Variants in ARHGEF17 observed in about 807,000 individuals in gnomAD.
ARHGEF17 encodes 164 kDa Rho-specific guanine-nucleotide exchange factor.
A neutral mutation model predicts 174.0 loss-of-function variants in ARHGEF17; 80 were observed. The observed-to-expected ratio is 0.46, with a 90% CI of 0.38 to 0.55. The LOEUF is 0.55. Among genes scored for constraint, ARHGEF17 ranks in the 20% least tolerant of loss-of-function variants. The pLI is 0.00. For missense variants in ARHGEF17, 2,886 were observed against 2,839.7 expected (o/e 1.02, Z -0.37); for synonymous variants, 1,311 against 1,189.1 (o/e 1.10, Z -2.11).
chr11:73,354,621 G>A (rs1028696196), intron 3 of ARHGEF17, among the ~76,000 whole-genome samples: 2 of 152,088 alleles, frequency 1.3e-5, no homozygotes, highest in Non-Finnish European at 2.9e-5. Context: ...GGCTGAGGCG[G>A]GAGAATCGCC....
rs566317083 is a variant in ARHGEF17, at chr11:73,349,297, A to C, written c.3270+2337A>C. On this transcript the variant is annotated intron_variant, in intron 2 of 20. Transcript: ENST00000263674. ...TCAAGTTTGCCTGCAAAATGTAGCTAATCTACCTATCTCCCATCAAGAAGA... is the reference window on the plus strand; with the variant it reads ...TCAAGTTTGCCTGCAAAATGTAGCTCATCTACCTATCTCCCATCAAGAAGA... Among the ~76,000 whole-genome samples the C allele has an allele frequency of 2.0e-5, 3 of 152,304 alleles. No homozygotes were observed. The South Asian group carries it at 6.2e-4, about 32-fold the overall frequency.
intron 12 of ARHGEF17, among the ~76,000 whole-genome samples, chr11:73,361,759 T>G (rs1865741436): frequency 6.7e-6 from 1 of 149,038 alleles, no homozygotes; most frequent in South Asian, 2.1e-4. Flanking sequence ...GAGGCTGAGG[T>G]GGGAGGATTG....
rs779759652 is a variant in ARHGEF17, at chr11:73,309,982, T to G, written c.1344T>G (p.Asp448Glu). The G allele has an allele frequency of 3.8e-5, 62 of 1,613,960 alleles. No homozygotes were observed. Among genetic ancestry groups the G allele is most frequent in the Non-Finnish European group, 5.3e-5 (62 of 1,179,978 alleles). Reference protein sequence around the residue: ...GPGGTSRALRDGGFEPEKSRQ... With the variant: ...GPGGTSRALREGGFEPEKSRQ... ...GAGGCACCTCTAGGGCATTGAGGGA[T>G]GGAGGATTTGAGCCTGAAAAGAGTC... Residue 448 changes from aspartate (D) to glutamate (E), a missense_variant, in exon 1 of 21, where the codon GAT (aspartate) becomes GAG (glutamate). Asp to Glu is a conservative substitution (Grantham distance 45). This residue lies in a region of ARHGEF17 where 1,728 missense variants were observed against 1,461.2 expected (regional missense o/e 1.18). Transcript: ENST00000263674.
chr11:73,317,262 G>A (rs924478536), intron 1 of ARHGEF17, among the ~76,000 whole-genome samples: 7 of 152,146 alleles, frequency 4.6e-5, no homozygotes, highest in South Asian at 2.1e-4. Flanking sequence ...TAGCTCCAGC[G>A]TGCATGTCTC....
At chr11:73,341,783 A>G (rs938706322) in intron 1 of ARHGEF17, among the ~76,000 whole-genome samples, 15 of 152,172 alleles carry the variant, frequency 9.9e-5, no homozygotes, top group African/African-American at 3.4e-4. Flanking sequence ...GGCTTGAGCT[A>G]TGGGGTCAGG....
chr11:73,325,927 ACTGT>A (rs1253962175), intron 1 of ARHGEF17, among the ~76,000 whole-genome samples: 1 of 152,234 alleles, frequency 6.6e-6, no homozygotes, highest in Non-Finnish European at 1.5e-5. Context: ...CGGGGTGTTC[ACTGT>A]CATTGGTGGA....
chr11:73,341,367 C>T (rs1307906396), intron 1 of ARHGEF17, among the ~76,000 whole-genome samples: 5 of 152,142 alleles, frequency 3.3e-5, no homozygotes, highest in East Asian at 1.9e-4. Context: ...CTCAGCTCAC[C>T]GCAACCTCAG....
intron 2 of ARHGEF17, 53 bp downstream of exon 2, chr11:73,347,013 T>C: frequency 6.5e-7 from 1 of 1,531,686 alleles, no homozygotes; most frequent in Non-Finnish European, 8.9e-7. Flanking sequence ...CCTAGGAGGC[T>C]GTCAGATGGG....
At chr11:73,314,768 A>G (rs1864901884) in intron 1 of ARHGEF17, among the ~76,000 whole-genome samples, 1 of 151,622 alleles carries the variant, frequency 6.6e-6, no homozygotes, top group South Asian at 2.1e-4. Context: ...TGTTACCTCC[A>G]CTGAGGCCCA....
At chr11:73,328,215 C>G (rs1399789475) in intron 1 of ARHGEF17, among the ~76,000 whole-genome samples, 1 of 152,144 alleles carries the variant, frequency 6.6e-6, no homozygotes, top group East Asian at 1.9e-4. Flanking sequence ...ATGAGCTGAG[C>G]TCCCTGAGGG....
chr11:73,313,952 C>G (rs1864886352), intron 1 of ARHGEF17, among the ~76,000 whole-genome samples: 2 of 152,202 alleles, frequency 1.3e-5, no homozygotes, highest in South Asian at 4.1e-4. Flanking sequence ...TCTCAGCCAC[C>G]AGGCTTGGCT....
intron 1 of ARHGEF17, among the ~76,000 whole-genome samples, chr11:73,334,932 C>T (rs1035576040): frequency 3.9e-5 from 6 of 152,162 alleles, no homozygotes; most frequent in Non-Finnish European, 5.9e-5. Context: ...AGAGGCTGAA[C>T]GGTGGTGGTC....
At chr11:73,343,019 G>A (rs1467147683) in intron 1 of ARHGEF17, 4 of 256,258 alleles carry the variant, frequency 1.6e-5, no homozygotes, top group Middle Eastern at 1.2e-3. Flanking sequence ...CACTGCGGCT[G>A]CCGCCGCGGC....
Position 73,308,609 on chromosome 11 carries a change from GC to G in ARHGEF17, c.-28del. 3 of 1,420,474 alleles carry G rather than the reference GC, an allele frequency of 2.1e-6. No individual in the cohort carries two copies. Among genetic ancestry groups the G allele is most frequent in the Non-Finnish European group, 2.7e-6 (3 of 1,092,126 alleles). The allele number at this position is 1,420,474 out of a possible 1,614,324, so 88.0% of individuals were successfully genotyped here. ...GGGGGGTTGGCCGCGGCTGCCCGAG[GC>G]CAGCCCCCCCGGAGTGAGTTACGCC... On this transcript the variant is annotated 5_prime_UTR_variant, in exon 1 of 21. Transcript: ENST00000263674.
In ARHGEF17 at chr11:73,356,281, G is replaced by A. The variant is rs1370209214; in HGVS notation, c.3770G>A (p.Ser1257Asn). 3.1e-6 allele frequency: 5 copies of A among 1,613,644 alleles called. No individual in the cohort carries two copies. Among genetic ancestry groups the A allele is most frequent in the Non-Finnish European group, 4.2e-6 (5 of 1,180,032 alleles). The change falls in exon 6 of 21, where the codon AGT (serine) becomes AAT (asparagine). Residue 1257 changes from serine to asparagine, a missense_variant. Transcript: ENST00000263674. ...VAERINKGVR[S>N]AEEAERHARV... The stretch of plus-strand genomic sequence containing the variant: ...GAGCGCATCAACAAGGGTGTGCGGA[G>A]TGCCGAGGAGGCGGAGCGCCATGCC...
At position 73,310,932 on chromosome 11, in the gene ARHGEF17, C is replaced by G. The variant is rs202100491; in HGVS notation, c.2294C>G (p.Pro765Arg). 6.2e-7 allele frequency: 1 copy of G among 1,614,050 alleles called. No individual in the cohort carries two copies. The highest frequency in any genetic ancestry group is 8.5e-7 in the Non-Finnish European group (1 of 1,180,006). The change falls in exon 1 of 21, where the codon CCC becomes CGC. Residue 765 changes from proline to arginine, a missense_variant. By Grantham distance (103) the Pro-to-Arg change is moderately radical (BLOSUM62 -2). Transcript: ENST00000263674. ...VDSNLLGSLS[P>R]KTGLPATSAM... ...AGCAACCTCCTGGGCTCACTGAGCC[C>G]CAAGACAGGGCTCCCTGCCACCTCA...
chr11:73,364,446 C>T lies in ARHGEF17; in HGVS notation c.5402-6C>T. On this transcript the variant is annotated splice_region_variant and splice_polypyrimidine_tract_variant and intron_variant, in intron 17 of 20. Transcript: ENST00000263674. ...TGAATTTCCTGTTTTCTTTACCCCA[C>T]TCCAGGCCATTTCTGGGACCCCCAG... 1 of 1,613,392 alleles carries T rather than the reference C, an allele frequency of 6.2e-7. No individual in the cohort carries two copies. The highest frequency in any genetic ancestry group is 1.1e-5 in the South Asian group (1 of 91,080).
chr11:73,339,328 T>C (rs993593847), intron 1 of ARHGEF17, among the ~76,000 whole-genome samples: 12 of 152,260 alleles, frequency 7.9e-5, no homozygotes, highest in African/African-American at 2.7e-4. Flanking sequence ...TGATTACTCA[T>C]GCATTAAACC....
In ARHGEF17 at chr11:73,364,536, G is replaced by A. The variant is rs1279855684; in HGVS notation, c.5486G>A (p.Gly1829Glu). The A allele has an allele frequency of 6.2e-7, 1 of 1,613,840 alleles. No individual in the cohort carries two copies. The highest frequency in any genetic ancestry group is 8.5e-7 in the Non-Finnish European group (1 of 1,179,962). Residue 1829 changes from glycine (G) to glutamate (E), a missense_variant, in exon 18 of 21, where the codon GGG (glycine) becomes GAG (glutamate). Gly to Glu is a moderately conservative substitution (Grantham distance 98). Transcript: ENST00000263674. ...SPITKMVSVG[G>E]RLWCGCQNRV... ...ATCACCAAGATGGTATCTGTGGGTG[G>A]GCGGCTGTGGTGTGGCTGCCAGAAC...
Sources: gnomAD v4.1 joint callset for allele counts (sites outside exome capture counted in the v4.1 genomes callset) on GRCh38, gnomAD v4.1.1 for gene constraint, gnomAD v4.1.1 regional missense constraint, MANE v1.5 for transcripts, NCBI Gene and HGNC (gene_info 2026-07-23, HGNC 2026-07-21) for gene names.